The following CNTNAP2 variants were observed in gnomAD, a reference collection of about 807,000 sequenced individuals.
CNTNAP2 encodes contactin-associated protein-like 2.
Under a neutral mutation model 155.2 loss-of-function variants are expected in CNTNAP2, and 98 were observed. The ratio of observed to expected loss-of-function variants is 0.63; its 90% CI spans 0.54 to 0.75. CNTNAP2 has a LOEUF of 0.75. Ranked by LOEUF, CNTNAP2 falls within the 30% of genes least tolerant of loss-of-function variation. The pLI, the probability that CNTNAP2 is intolerant of heterozygous loss-of-function variation, is 0.00. For missense variants in CNTNAP2, 1,727 were observed against 1,688.1 expected (o/e 1.02, Z -0.40); for synonymous variants, 651 against 631.2 (o/e 1.03, Z -0.47).
intron 1 of CNTNAP2, among the ~76,000 whole-genome samples, chr7:146,675,290 G>T (rs762247141): frequency 2.0e-5 from 3 of 151,916 alleles, no homozygotes; most frequent in Admixed American, 6.6e-5. Flanking sequence ...CCTCCTGTTT[G>T]GTCAGAAAGA....
intron 3 of CNTNAP2, among the ~76,000 whole-genome samples, chr7:147,004,304 A>G (rs1798485206): frequency 6.6e-6 from 1 of 151,698 alleles, no homozygotes; most frequent in African/African-American, 2.4e-5. Flanking sequence ...TTGGGATAAT[A>G]TAATTGAAAC....
At chr7:146,526,031 A>G (rs941765457) in intron 1 of CNTNAP2, among the ~76,000 whole-genome samples, 1 of 152,152 alleles carries the variant, frequency 6.6e-6, no homozygotes, top group African/African-American at 2.4e-5. Flanking sequence ...GAAACATTTA[A>G]TTGAGTGAAG....
intron 3 of CNTNAP2, among the ~76,000 whole-genome samples, chr7:146,870,447 T>G (rs574186018): frequency 1.3e-5 from 2 of 152,248 alleles, no homozygotes; most frequent in Non-Finnish European, 2.9e-5. Flanking sequence ...TCATTTCTCA[T>G]CATATTTATT....
At chr7:147,868,627 C>A (rs1221631075) in intron 13 of CNTNAP2, among the ~76,000 whole-genome samples, 3 of 152,186 alleles carry the variant, frequency 2.0e-5, no homozygotes, top group South Asian at 2.1e-4. Context: ...TGGGCTCTAC[C>A]CAGTTCGAGC....
chr7:146,899,495 C>T (rs1481435739), intron 3 of CNTNAP2, among the ~76,000 whole-genome samples: 1 of 72,358 alleles, frequency 1.4e-5, no homozygotes, highest in African/African-American at 4.6e-5. Flanking sequence ...ACTTTCCCTG[C>T]ATGCATTGAA....
At chr7:148,164,017 C>T (rs1490121763) in intron 17 of CNTNAP2, among the ~76,000 whole-genome samples, 1 of 152,222 alleles carries the variant, frequency 6.6e-6, no homozygotes, top group Non-Finnish European at 1.5e-5. Context: ...TCACTGTAGC[C>T]TCTGCCTCCC....
chr7:147,997,537 C>T (rs1801824444), intron 15 of CNTNAP2, among the ~76,000 whole-genome samples: 1 of 134,108 alleles, frequency 7.5e-6, no homozygotes, highest in Non-Finnish European at 1.6e-5. Flanking sequence ...GCCTGGGCAA[C>T]AAGAGCAAAA....
chr7:146,531,576 C>T (rs1248730205), intron 1 of CNTNAP2, among the ~76,000 whole-genome samples: 1 of 152,074 alleles, frequency 6.6e-6, no homozygotes, highest in Non-Finnish European at 1.5e-5. Context: ...GGCGGAGTCT[C>T]GCTCAGTTGC....
At chr7:146,754,253 G>A (rs938365268) in intron 1 of CNTNAP2, among the ~76,000 whole-genome samples, 2 of 151,934 alleles carry the variant, frequency 1.3e-5, no homozygotes, top group Non-Finnish European at 2.9e-5. Flanking sequence ...AGTCAAACTC[G>A]TAAAGAAAAT....
intron 1 of CNTNAP2, among the ~76,000 whole-genome samples, chr7:146,426,185 C>CAA (rs57484419): frequency 0.011 from 617 of 54,218 alleles, 11 homozygotes; most frequent in Non-Finnish European, 0.017. Context: ...GACTTCGCCT[C>CAA]AAAAAAAAAA....
intron 9 of CNTNAP2, among the ~76,000 whole-genome samples, chr7:147,306,589 G>A (rs1044174984): frequency 2.0e-5 from 3 of 152,216 alleles, no homozygotes; most frequent in Non-Finnish European, 1.5e-5. Flanking sequence ...ATAAGAAAAT[G>A]TATCATTGGT....
At chr7:147,486,889 CTGTGTGTGTGTGTG>C (rs10544219) in intron 11 of CNTNAP2, among the ~76,000 whole-genome samples, 2 of 146,944 alleles carry the variant, frequency 1.4e-5, no homozygotes, top group Admixed American at 6.8e-5. Flanking sequence ...ACGTATGTGC[CTGTGTGTGTGTGTG>C]TGTGTGTGTG....
chr7:146,489,472 A>G (rs1260947832), intron 1 of CNTNAP2, among the ~76,000 whole-genome samples: 1 of 152,188 alleles, frequency 6.6e-6, no homozygotes, highest in Non-Finnish European at 1.5e-5. Context: ...TAAGTTTTAC[A>G]TTATCCTTAC....
At chr7:147,017,650 AG>A (rs1798748058) in intron 3 of CNTNAP2, among the ~76,000 whole-genome samples, 1 of 152,098 alleles carries the variant, frequency 6.6e-6, no homozygotes, top group Non-Finnish European at 1.5e-5. Flanking sequence ...TAGCGAGTAA[AG>A]AACAGTAAAC....
At chr7:147,787,584 C>T (rs770397196) in intron 13 of CNTNAP2, among the ~76,000 whole-genome samples, 2 of 152,242 alleles carry the variant, frequency 1.3e-5, no homozygotes, top group Middle Eastern at 3.4e-3. Flanking sequence ...CAAAAAGCAA[C>T]AATATTTACC....
chr7:147,266,475 A>G (rs1804610709), intron 8 of CNTNAP2, among the ~76,000 whole-genome samples: 4 of 152,214 alleles, frequency 2.6e-5, no homozygotes, highest in Admixed American at 2.6e-4. Flanking sequence ...GATCTTTCAC[A>G]GCATAATTTA....
chr7:146,917,197 T>C (rs1337943264), intron 3 of CNTNAP2, among the ~76,000 whole-genome samples: 1 of 152,168 alleles, frequency 6.6e-6, no homozygotes, highest in African/African-American at 2.4e-5. Context: ...TGATATAATT[T>C]TGATTTTCTT....
chr7:146,626,002 A>G (rs1157286209), intron 1 of CNTNAP2, among the ~76,000 whole-genome samples: 1 of 152,084 alleles, frequency 6.6e-6, no homozygotes, highest in Non-Finnish European at 1.5e-5. Context: ...TTGGAAATGG[A>G]TGAATCATTT....
At chr7:147,555,830 G>A in intron 11 of CNTNAP2, among the ~76,000 whole-genome samples, 1 of 152,200 alleles carries the variant, frequency 6.6e-6, no homozygotes, top group Middle Eastern at 3.2e-3. Flanking sequence ...GTCTTCCTCA[G>A]CTCATCAGCG....
Sources: allele counts gnomAD v4.1 joint callset (sites outside exome capture counted in the v4.1 genomes callset), GRCh38; gene constraint gnomAD v4.1.1; transcripts MANE v1.5; gene names NCBI Gene and HGNC (gene_info 2026-07-23, HGNC 2026-07-21).